Variants in TTLL12 observed in about 807,000 individuals in gnomAD.
TTLL12 encodes the protein tubulin tyrosine ligase like 12.
In TTLL12, 77 loss-of-function variants were observed where a neutral mutation model predicts 79.6. That is an observed-to-expected ratio of 0.97 (90% CI 0.81 to 1.17). The LOEUF is 1.17. Ranked by LOEUF, TTLL12 falls within the 50% of genes most tolerant of loss-of-function variation. The probability of loss-of-function intolerance (pLI) is 0.00; values close to 1 mark genes in which losing one functional copy is unlikely to be tolerated. For missense variants in TTLL12, 969 were observed against 895.9 expected, an observed-to-expected ratio of 1.08 and a Z score of -1.04; for synonymous variants, 437 against 376.1, an observed-to-expected ratio of 1.16 and a Z score of -1.87.
chr22:43,182,808 G>A (rs1316272385), intron 2 of TTLL12, among the ~76,000 whole-genome samples, 172 bp downstream of exon 2: 3 of 152,234 alleles, frequency 2.0e-5, no homozygotes, highest in Admixed American at 6.5e-5. Flanking sequence ...GTGTTGCCAC[G>A]GACAGTACTC....
At position 43,183,253 on chromosome 22, in the gene TTLL12, G is replaced by A. The variant is rs553097123; in HGVS notation, c.178-104C>T. ...CCGAGGTGCCACACCCAGGCCTCAA[G>A]GACAAACTTGTCTCCTTCAGAGGTG... On this transcript the variant is annotated intron_variant, in intron 1 of 13. Transcript: ENST00000216129. 6.4e-6 allele frequency: 9 copies of A among 1,402,806 alleles called. No homozygotes were observed. In the East Asian group the frequency reaches 1.4e-4, roughly 21 times the overall value. The allele number at this position is 1,402,806 out of a possible 1,614,324, so 86.9% of individuals were successfully genotyped here. A position where few individuals can be genotyped will look rare whatever the true frequency, so the allele number is the denominator to read the frequency against.
intron 5 of TTLL12, 131 bp from the exon 6 acceptor site, chr22:43,176,527 C>G (rs890692479): frequency 8.2e-6 from 6 of 729,840 alleles, no homozygotes; most frequent in African/African-American, 5.2e-5. Context: ...GTCAGGAGCT[C>G]GAGACCAGCC....
Position 43,174,378 on chromosome 22 carries a change from C to A in TTLL12, c.1060G>T (p.Val354Leu). 6.4e-7 allele frequency: 1 copy of A among 1,570,810 alleles called. No individual in the cohort carries two copies. Among genetic ancestry groups the A allele is most frequent in the Non-Finnish European group, 8.7e-7 (1 of 1,153,952 alleles). ...YRKLSQERPG[V>L]LLNQFPCENL... Reference sequence around the variant, plus strand: ...TCGCAGGGGAACTGGTTCAGCAGCACGCCTGGCCTCTCCTGGCTGAGTTTC... The same window carrying A: ...TCGCAGGGGAACTGGTTCAGCAGCAAGCCTGGCCTCTCCTGGCTGAGTTTC... The change falls in exon 8 of 14, where the codon GTG (valine) becomes TTG (leucine). Residue 354 changes from valine (V) to leucine (L), a missense_variant. Val to Leu is a conservative substitution (Grantham distance 32). Transcript: ENST00000216129.
At chr22:43,179,339 C>T (rs1931992591) in intron 5 of TTLL12, among the ~76,000 whole-genome samples, 2 of 152,122 alleles carry the variant, frequency 1.3e-5, no homozygotes, top group African/African-American at 2.4e-5. Context: ...AGACCAACTG[C>T]ACAGCCCCCT....
intron 1 of TTLL12, among the ~76,000 whole-genome samples, chr22:43,185,720 A>C (rs1203305650): frequency 6.6e-6 from 1 of 152,130 alleles, no homozygotes; most frequent in African/African-American, 2.4e-5. Context: ...CAGGTCTCAG[A>C]CGGGCGAGTG....
At chr22:43,178,880 C>T (rs1411323216) in intron 5 of TTLL12, among the ~76,000 whole-genome samples, 2 of 152,208 alleles carry the variant, frequency 1.3e-5, no homozygotes. Flanking sequence ...CTGAGTGGCA[C>T]ACGCCCACAA....
At chr22:43,181,530 C>T (rs138948) in intron 2 of TTLL12, among the ~76,000 whole-genome samples, 3 of 152,158 alleles carry the variant, frequency 2.0e-5, no homozygotes, top group African/African-American at 7.2e-5. Context: ...TCCCCACACA[C>T]AGGACCCCTG....
At position 43,179,710 on chromosome 22, in the gene TTLL12, AG is replaced by A; in HGVS notation, c.748del (p.Leu250Ter). The A allele has an allele frequency of 1.9e-6, 3 of 1,567,300 alleles. No homozygotes were observed. Among genetic ancestry groups the A allele is most frequent in the Non-Finnish European group, 8.6e-7 (1 of 1,156,810 alleles). ...RDFAYGETDPLIRKCMLLPWA... is the reference protein window; with the variant it reads ...RDFAYGETDPXIRKCMLLPWA... ...GGGCAGCAGCATGCACTTCCGGATC[AG>A]GGGGTCCGTCTCTCCGTAGGCAAAG... is the stretch of plus-strand genomic sequence containing the variant. On this transcript the variant is annotated frameshift_variant, in exon 5 of 14. Transcript: ENST00000216129. LOFTEE classifies it high-confidence loss of function.
chr22:43,176,302 T>TG lies in TTLL12; in HGVS notation c.917+17dup, dbSNP rs11315075. 285,135 of 1,461,958 alleles carry TG rather than the reference T, an allele frequency of 0.2. 18,514 individuals carry two copies. Among genetic ancestry groups the TG allele is most frequent in the Admixed American group, 0.26 (13,000 of 50,594 alleles). The allele number at this position is 1,461,958 out of a possible 1,614,324, so 90.6% of individuals were successfully genotyped here. ...TGCGGACAAGTCCCAGCCCAAGCAG[T>TG]GGGGGGGGGCTACGCACTTGAAGAT... On this transcript the variant is annotated intron_variant, in intron 6 of 13. Transcript: ENST00000216129.
At chr22:43,175,693 G>A (rs1931888085) in intron 6 of TTLL12, 1 of 151,858 alleles carries the variant, frequency 6.6e-6, no homozygotes, top group South Asian at 2.1e-4. Flanking sequence ...TTTTTTTAAG[G>A]AGTCTTGCTC....
In TTLL12 at chr22:43,174,212, C is replaced by G. The variant is rs767053870; in HGVS notation, c.1226G>C (p.Arg409Thr). 9 of 1,601,630 alleles carry G rather than the reference C, an allele frequency of 5.6e-6. No individual in the cohort carries two copies. The Admixed American group carries it at 1.2e-4, about 21-fold the overall frequency. The change falls in exon 8 of 14, where the codon AGG (arginine) becomes ACG (threonine). Residue 409 changes from arginine (R) to threonine (T), a missense_variant. Arg to Thr is a moderately conservative substitution (Grantham distance 71, BLOSUM62 -1). Transcript: ENST00000216129. ...CGATGCCGTGTCTGGGACTTACCAC[C>G]TTTCCCGCTGCTGGAAGTAGCTGAC... ...QFVSYFQQRE[R>T]WGEDNHWICK...
intron 13 of TTLL12, 134 bp from the exon 14 acceptor site, chr22:43,168,293 G>C: frequency 3.1e-6 from 4 of 1,297,612 alleles, no homozygotes; most frequent in Non-Finnish European, 4.2e-6. Flanking sequence ...GCAGGACAAG[G>C]CCGGGCCTAG....
intron 11 of TTLL12, chr22:43,169,987 G>A (rs1931724160): frequency 7.2e-6 from 3 of 416,398 alleles, no homozygotes; most frequent in Admixed American, 5.1e-5. Flanking sequence ...GGACCTGCCT[G>A]TGCCCTGGTT....
At chr22:43,178,048 CCCG>C (rs1931958560) in intron 5 of TTLL12, among the ~76,000 whole-genome samples, 1 of 152,172 alleles carries the variant, frequency 6.6e-6, no homozygotes, top group African/African-American at 2.4e-5. Flanking sequence ...AACAAACAAA[CCCG>C]AGACCAGGAA....
At chr22:43,176,272 G>C (rs1480358678) in intron 6 of TTLL12, 48 bp downstream of exon 6, 1 of 1,376,208 alleles carries the variant, frequency 7.3e-7, no homozygotes, top group Non-Finnish European at 1.0e-6. Context: ...ATGGGAGGCG[G>C]GGACTGCGGA....
rs752863332 is a variant in TTLL12, at chr22:43,168,842, C to T, written c.1715G>A (p.Cys572Tyr). 1.2e-6 allele frequency: 2 copies of T among 1,604,172 alleles called. No homozygotes were observed. The highest frequency in any genetic ancestry group is 1.7e-6 in the Non-Finnish European group (2 of 1,175,822). The change falls in exon 13 of 14, where the codon TGC becomes TAC. Residue 572 changes from cysteine to tyrosine, a missense_variant. Transcript: ENST00000216129. ...CATGGCCCGGGATGAGGGGTAGTCG[C>T]AGAGGCCCAGGGGTGGTGGCTTGGC... The part of the protein sequence containing the change: ...ACAKPPPLGL[C>Y]DYPSSRAMYA...
chr22:43,169,814 GA>G, intron 11 of TTLL12: 1 of 593,048 alleles, frequency 1.7e-6, no homozygotes, highest in Non-Finnish European at 3.2e-6. Context: ...TGTGAAATGG[GA>G]AAATGTGCTC....
chr22:43,180,817 C>T lies in TTLL12; in HGVS notation c.471G>A (p.Leu157=), dbSNP rs1932036930. 1 of 1,613,070 alleles carries T rather than the reference C, an allele frequency of 6.2e-7. No individual in the cohort carries two copies. The highest frequency in any genetic ancestry group is 1.1e-5 in the South Asian group (1 of 91,094). ...NLMGIEFHGE[L]PSTEAVALVL... The stretch of plus-strand genomic sequence containing the variant: ...CCAGGGCCACAGCCTCTGTACTGGG[C>T]AGCTCACCGTGGAACTCAATGCCCA... Residue 157 remains leucine, a synonymous_variant, in exon 3 of 14, where the codon CTG becomes CTA. Coordinates refer to ENST00000216129, the MANE Select transcript of TTLL12 (RefSeq NM_015140.4).
At chr22:43,179,412 C>T (rs547259913) in intron 5 of TTLL12, among the ~76,000 whole-genome samples, 3 of 152,178 alleles carry the variant, frequency 2.0e-5, no homozygotes, top group East Asian at 3.9e-4. Flanking sequence ...ACCCTGGGAT[C>T]TGGAGCCCCC....
Sources: gnomAD v4.1 joint callset for allele counts (sites outside exome capture counted in the v4.1 genomes callset) on GRCh38, gnomAD v4.1.1 for gene constraint, MANE v1.5 for transcripts, NCBI Gene and HGNC (gene_info 2026-07-23, HGNC 2026-07-21) for gene names.